The following KCNH7 variants were observed in gnomAD, a reference collection of about 807,000 sequenced individuals.
The protein encoded by KCNH7 is potassium voltage-gated channel subfamily H member 7.
Under a neutral mutation model 120.8 loss-of-function variants are expected in KCNH7, and 49 were observed. The ratio of observed to expected loss-of-function variants is 0.41; its 90% CI spans 0.32 to 0.51. The LOEUF (loss-of-function observed/expected upper bound fraction) is 0.51. KCNH7 is among the 20% of genes least tolerant of loss of function. The pLI, the probability that KCNH7 is intolerant of heterozygous loss-of-function variation, is 0.38. For synonymous variants in KCNH7, 547 were observed against 516.1 expected, an observed-to-expected ratio of 1.06 and a Z score of -0.81; for missense variants, 1,097 against 1,446.6, an observed-to-expected ratio of 0.76 and a Z score of 3.92.
chr2:162,504,659 T>TA lies in KCNH7; in HGVS notation c.914-3dup, dbSNP rs749690253. 3.8e-6 allele frequency: 6 copies of TA among 1,585,424 alleles called. No individual in the cohort carries two copies. Among genetic ancestry groups the TA allele is most frequent in the East Asian group, 4.5e-5 (2 of 44,642 alleles). On this transcript the variant is annotated splice_region_variant and splice_polypyrimidine_tract_variant and intron_variant, in intron 5 of 15. Coordinates refer to ENST00000332142, the MANE Select transcript of KCNH7 (RefSeq NM_033272.4). ...TTGACTTGATATGATTAAAAGGCCC[T>TA]AAAAAAATGGAAAGTATTTGTAAGA... is the stretch of plus-strand genomic sequence containing the variant.
rs780639138 is a variant in KCNH7 at position 162,435,613 on chromosome 2, T to C, written c.1555-16A>G. On this transcript the variant is annotated splice_polypyrimidine_tract_variant and intron_variant, in intron 7 of 15. Transcript: ENST00000332142. ...ATGTTGTTGTCTGTAGAAATAAATG[T>C]ACACAGTCAGAAACGGTCGGCAAAC... 3 of 1,561,558 alleles carry C rather than the reference T, an allele frequency of 1.9e-6. No individual in the cohort carries two copies. The highest frequency in any genetic ancestry group is 3.9e-5 in the Admixed American group (2 of 51,664).
At chr2:162,475,728 T>G (rs908786773) in intron 6 of KCNH7, among the ~76,000 whole-genome samples, 2 of 152,136 alleles carry the variant, frequency 1.3e-5, no homozygotes, top group African/African-American at 4.8e-5. Context: ...CATGGAGTCC[T>G]TGAAGGCCCC....
chr2:162,536,058 G>A (rs530617671), intron 3 of KCNH7, among the ~76,000 whole-genome samples: 48 of 151,884 alleles, frequency 3.2e-4, no homozygotes, highest in African/African-American at 8.9e-4. Flanking sequence ...TACAAGTTCC[G>A]GGGAAAGGAA....
intron 6 of KCNH7, among the ~76,000 whole-genome samples, chr2:162,452,755 G>A (rs1033342432): frequency 4.6e-5 from 7 of 151,956 alleles, no homozygotes; most frequent in Non-Finnish European, 1.0e-4. Context: ...AAACCTTCAA[G>A]CTTTCATTCT....
intron 2 of KCNH7, among the ~76,000 whole-genome samples, chr2:162,748,810 T>G (rs1220286128): frequency 1.4e-5 from 2 of 144,802 alleles, no homozygotes; most frequent in African/African-American, 2.7e-5. Context: ...AGACATATCT[T>G]TAATCCTTCT....
chr2:162,454,922 G>T (rs944653684), intron 6 of KCNH7, among the ~76,000 whole-genome samples: 1 of 151,820 alleles, frequency 6.6e-6, no homozygotes, highest in African/African-American at 2.4e-5. Flanking sequence ...ATTTGAATAC[G>T]CTTTATTTCT....
At chr2:162,597,945 T>A (rs982824934) in intron 2 of KCNH7, among the ~76,000 whole-genome samples, 14 of 152,106 alleles carry the variant, frequency 9.2e-5, no homozygotes, top group Admixed American at 2.6e-4. Flanking sequence ...AATTATGAAA[T>A]CTAAATTTGA....
intron 2 of KCNH7, among the ~76,000 whole-genome samples, chr2:162,588,224 A>G (rs914008450): frequency 6.6e-6 from 1 of 152,070 alleles, no homozygotes; most frequent in Non-Finnish European, 1.5e-5. Flanking sequence ...TTAGAAGAAA[A>G]GTTAGGGAAA....
intron 2 of KCNH7, among the ~76,000 whole-genome samples, chr2:162,624,081 GCCCA>G (rs1300183355): frequency 4.6e-5 from 7 of 152,024 alleles, no homozygotes; most frequent in Non-Finnish European, 8.8e-5. Context: ...TACACTGCCT[GCCCA>G]CCTCCTCCAT....
In KCNH7 at chr2:162,504,474, C is replaced by T. The variant is rs758119259; in HGVS notation, c.1097G>A (p.Arg366Gln). ...CACTTTCTCAGTCACATTGTGTGTT[C>T]GATCTTTAACCTTGGGTGCAATAAT... ...KTIIAPKVKD[R>Q]THNVTEKVTQ... Residue 366 changes from arginine to glutamine, a missense_variant, in exon 6 of 16, where the codon CGA (arginine) becomes CAA (glutamine). Physicochemically the swap from Arg to Gln is conservative, Grantham distance 43. Around this residue, in one of 8 missense-constraint regions of KCNH7, gnomAD observed 362 missense variants for 372.2 expected, o/e 0.97. Transcript: ENST00000332142. The T allele has an allele frequency of 2.5e-6, 4 of 1,612,666 alleles. No homozygotes were observed. The highest frequency in any genetic ancestry group is 1.3e-5 in the African/African-American group (1 of 74,782).
At chr2:162,440,067 G>A (rs1016010062) in intron 7 of KCNH7, among the ~76,000 whole-genome samples, 3 of 151,388 alleles carry the variant, frequency 2.0e-5, no homozygotes, top group Non-Finnish European at 4.4e-5. Context: ...AATGAAGAGA[G>A]ACTCATTAAT....
At chr2:162,468,624 G>A (rs1197140287) in intron 6 of KCNH7, among the ~76,000 whole-genome samples, 4 of 145,662 alleles carry the variant, frequency 2.7e-5, no homozygotes, top group East Asian at 2.2e-4. Flanking sequence ...AGGCTCAAGC[G>A]ATTCTCCTGC....
At chr2:162,660,808 G>A (rs12613520) in intron 2 of KCNH7, among the ~76,000 whole-genome samples, 4,048 of 152,108 alleles carry the variant, frequency 0.027, 110 homozygotes, top group East Asian at 0.11. Context: ...CTTTAAAATG[G>A]TATATGTCGA....
intron 6 of KCNH7, among the ~76,000 whole-genome samples, chr2:162,501,790 AC>A (rs1690695715): frequency 1.3e-5 from 2 of 152,062 alleles, no homozygotes; most frequent in South Asian, 4.1e-4. Context: ...GAAAGGTCCC[AC>A]CTCCAAATGC....
chr2:162,688,279 C>CAT (rs1464234018), intron 2 of KCNH7, among the ~76,000 whole-genome samples: 3 of 152,136 alleles, frequency 2.0e-5, no homozygotes, highest in Non-Finnish European at 2.9e-5. Context: ...TATTCCTGAA[C>CAT]ATATGTTCAC....
chr2:162,692,358 G>A (rs1003106290), intron 2 of KCNH7, among the ~76,000 whole-genome samples: 13 of 151,924 alleles, frequency 8.6e-5, no homozygotes, highest in African/African-American at 2.7e-4. Context: ...TACCCACCAC[G>A]AGTACAATGA....
In KCNH7 at chr2:162,755,522, T is replaced by C. The variant is rs1688759986; in HGVS notation, c.307+81015A>G. Among the ~76,000 whole-genome samples, 7 of 152,088 alleles carry C rather than the reference T, an allele frequency of 4.6e-5. No individual in the cohort carries two copies. The South Asian group carries it at 1.4e-3, about 31-fold the overall frequency. ...TCTAAAAGTTTACCAATTTTCTTTA[T>C]TTAATGTAGTTTGTTTACCCACATG... On this transcript the variant is annotated intron_variant, in intron 2 of 15. Transcript: ENST00000332142.
chr2:162,554,397 C>T (rs1692786792), intron 2 of KCNH7, among the ~76,000 whole-genome samples: 1 of 151,754 alleles, frequency 6.6e-6, no homozygotes, highest in Admixed American at 6.6e-5. Flanking sequence ...AAATTTGCCC[C>T]AAAAAATGTT....
intron 6 of KCNH7, among the ~76,000 whole-genome samples, chr2:162,481,273 T>A (rs888729414): frequency 2.6e-5 from 4 of 152,076 alleles, no homozygotes; most frequent in African/African-American, 9.7e-5. Flanking sequence ...ACAAAAAAAA[T>A]TATTTGCAGT....
Sources: gnomAD v4.1 joint callset for allele counts (sites outside exome capture counted in the v4.1 genomes callset) on GRCh38, gnomAD v4.1.1 for gene constraint, gnomAD v4.1.1 regional missense constraint, MANE v1.5 for transcripts, NCBI Gene and HGNC (gene_info 2026-07-23, HGNC 2026-07-21) for gene names.